Variants in CNN3 observed in about 807,000 individuals in gnomAD.
CNN3 encodes the protein calponin 3.
Under a neutral mutation model 39.0 loss-of-function variants are expected in CNN3, and 11 were observed. The observed-to-expected ratio is 0.28, with a 90% CI of 0.18 to 0.47. The LOEUF is 0.47. Ranked by LOEUF, CNN3 falls within the 20% of genes least tolerant of loss-of-function variation. The pLI, the probability that CNN3 is intolerant of heterozygous loss-of-function variation, is 0.99. For missense variants in CNN3, 266 were observed against 403.4 expected, an observed-to-expected ratio of 0.66 and a Z score of 2.92; for synonymous variants, 101 against 138.3, an observed-to-expected ratio of 0.73 and a Z score of 1.89.
rs1179151046 is a variant in CNN3 at position 94,903,168 on chromosome 1, G to A, written c.200C>T (p.Pro67Leu). ...ILCELINKLQ[P>L]GSVKKVNESS... ...CTCGTTGACCTTCTTCACTGAGCCTGGCTGTAGCTTGTTTATAAGTCTGAA... is the reference window on the plus strand; with the variant it reads ...CTCGTTGACCTTCTTCACTGAGCCTAGCTGTAGCTTGTTTATAAGTCTGAA... Residue 67 changes from proline (P) to leucine (L), a missense_variant, in exon 3 of 7, where the codon CCA becomes CTA. By Grantham distance (98) the Pro-to-Leu change is moderately conservative (BLOSUM62 -3). Coordinates refer to ENST00000370206, the MANE Select transcript of CNN3 (RefSeq NM_001839.5). 6.2e-7 allele frequency: 1 copy of A among 1,612,964 alleles called. No individual in the cohort carries two copies. The highest frequency in any genetic ancestry group is 1.7e-5 in the Admixed American group (1 of 59,782).
At position 94,902,263 on chromosome 1, in the gene CNN3, AAAG is replaced by A; in HGVS notation, c.247-8_247-6del. 2 of 1,606,128 alleles carry A rather than the reference AAAG, an allele frequency of 1.2e-6. No individual in the cohort carries two copies. Among genetic ancestry groups the A allele is most frequent in the Non-Finnish European group, 1.7e-6 (2 of 1,175,212 alleles). The stretch of plus-strand genomic sequence containing the variant: ...AAAGTTGCCAATATTCTCCAACTAT[AAAG>A]AAGAAGAGTTTTATAATTTCTGGAG... On this transcript the variant is annotated splice_region_variant and splice_polypyrimidine_tract_variant and intron_variant, in intron 3 of 6. Coordinates refer to ENST00000370206, the MANE Select transcript of CNN3 (RefSeq NM_001839.5).
At chr1:94,914,117 G>A (rs1050896863) in intron 1 of CNN3, among the ~76,000 whole-genome samples, 1 of 152,122 alleles carries the variant, frequency 6.6e-6, no homozygotes, top group East Asian at 1.9e-4. Flanking sequence ...GCATTTGTAG[G>A]TATCAGCTCT....
At chr1:94,899,330 G>A in intron 6 of CNN3, 41 bp downstream of exon 6, 1 of 1,561,760 alleles carries the variant, frequency 6.4e-7, no homozygotes, top group Non-Finnish European at 8.7e-7. Context: ...TAAAAATAAG[G>A]TAAGTGTACT....
intron 1 of CNN3, among the ~76,000 whole-genome samples, chr1:94,916,651 T>C (rs1671284687): frequency 6.6e-6 from 1 of 152,186 alleles, no homozygotes; most frequent in African/African-American, 2.4e-5. Flanking sequence ...AAGATGTCAA[T>C]TCTCCCTGAG....
At chr1:94,899,054 T>TA (rs964285996) in intron 6 of CNN3, among the ~76,000 whole-genome samples, 78 of 147,934 alleles carry the variant, frequency 5.3e-4, no homozygotes, top group African/African-American at 1.7e-3. Context: ...AAGGGCTCCT[T>TA]AAAAAAAAAA....
intron 4 of CNN3, 66 bp downstream of exon 4, chr1:94,902,055 C>G: frequency 2.2e-6 from 3 of 1,386,614 alleles, no homozygotes; most frequent in Non-Finnish European, 3.1e-6. Flanking sequence ...CATGAAAAAG[C>G]AATGATGCAA....
intron 1 of CNN3, among the ~76,000 whole-genome samples, chr1:94,925,439 T>G (rs199523213): frequency 6.6e-6 from 1 of 152,206 alleles, no homozygotes; most frequent in East Asian, 1.9e-4. Flanking sequence ...TTCTGCTCTC[T>G]AAAAAAATTG....
At chr1:94,919,148 A>G (rs1671375901) in intron 1 of CNN3, among the ~76,000 whole-genome samples, 2 of 152,162 alleles carry the variant, frequency 1.3e-5, no homozygotes, top group South Asian at 4.1e-4. Flanking sequence ...AGAGGTAGGG[A>G]TGGGGTTTTT....
In CNN3 at chr1:94,926,056, T is replaced by C. The variant is rs1380832484; in HGVS notation, c.57+782A>G. ...TCACCAAATCCCAATCGCTCCAAACTATAAGCCGCCTCAGCAAACAAGCCC... is the reference window on the plus strand; with the variant it reads ...TCACCAAATCCCAATCGCTCCAAACCATAAGCCGCCTCAGCAAACAAGCCC... On this transcript the variant is annotated intron_variant, in intron 1 of 6. Transcript: ENST00000370206. This position sits in a 1 kb window ranked among gnomAD's most constrained non-coding sequence, Gnocchi z 4.2. Among the ~76,000 whole-genome samples the C allele has an allele frequency of 1.3e-5, 2 of 152,082 alleles. No individual in the cohort carries two copies. Among genetic ancestry groups the C allele is most frequent in the African/African-American group, 2.4e-5 (1 of 41,412 alleles).
chr1:94,899,334 G>C, intron 6 of CNN3, 37 bp downstream of exon 6: 1 of 1,583,896 alleles, frequency 6.3e-7, no homozygotes, highest in Non-Finnish European at 8.6e-7. Flanking sequence ...AATAAGGTAA[G>C]TGTACTCTTG....
intron 1 of CNN3, among the ~76,000 whole-genome samples, chr1:94,914,200 TC>T (rs1671228321): frequency 6.6e-6 from 1 of 152,108 alleles, no homozygotes; most frequent in African/African-American, 2.4e-5. Flanking sequence ...AACCCTTGAG[TC>T]AGGAGCATGG....
At chr1:94,911,988 C>A (rs1557912579) in intron 1 of CNN3, among the ~76,000 whole-genome samples, 1 of 152,064 alleles carries the variant, frequency 6.6e-6, no homozygotes, top group African/African-American at 2.4e-5. Flanking sequence ...ATCGCTTGAG[C>A]CTGGGAGGCG....
Position 94,897,471 on chromosome 1 carries a change from G to A in CNN3, c.*271C>T. The A allele has an allele frequency of 3.1e-6, 1 of 326,532 alleles. No individual in the cohort carries two copies. 20.2% of individuals were successfully genotyped at this position (326,532 alleles called of 1,614,324 possible). ...AGATTTTTGCATAAAAGAACTGGCT[G>A]TACAAGAGTACTCCCCTTTCACAGT... On this transcript the variant is annotated 3_prime_UTR_variant, in exon 7 of 7. Coordinates refer to ENST00000370206, the MANE Select transcript of CNN3 (RefSeq NM_001839.5).
intron 1 of CNN3, among the ~76,000 whole-genome samples, chr1:94,918,222 G>A (rs998627602): frequency 3.3e-5 from 5 of 152,194 alleles, no homozygotes; most frequent in African/African-American, 1.2e-4. Flanking sequence ...GCCGGGCACA[G>A]TGGCTCATGC....
In CNN3 at chr1:94,901,211, G is replaced by A. The variant is rs774454600; in HGVS notation, c.501+458C>T. On this transcript the variant is annotated intron_variant, in intron 5 of 6. Coordinates refer to ENST00000370206, the MANE Select transcript of CNN3 (RefSeq NM_001839.5). ...TCTACTAAAACTACAAAACTTAGCC[G>A]GGCATGGTGGCTCATTCCCATAATC... 8.0e-4 allele frequency among the ~76,000 whole-genome samples: 122 copies of A among 151,950 alleles called. 1 individual carries two copies. The highest frequency in any genetic ancestry group is 2.6e-4 in the Non-Finnish European group (18 of 67,974).
chr1:94,901,535 T>C (rs1344012744), intron 5 of CNN3, 134 bp downstream of exon 5: 1 of 545,884 alleles, frequency 1.8e-6, no homozygotes, highest in South Asian at 2.6e-5. Flanking sequence ...TAAATAGATA[T>C]AAATTGTATA....
chr1:94,919,313 A>C (rs917191377), intron 1 of CNN3, among the ~76,000 whole-genome samples: 3 of 152,190 alleles, frequency 2.0e-5, no homozygotes, highest in Non-Finnish European at 1.5e-5. Flanking sequence ...AGGCCCAAAG[A>C]CCACAGCAAG....
At chr1:94,906,458 G>GT (rs1286328243) in intron 1 of CNN3, among the ~76,000 whole-genome samples, 1 of 143,100 alleles carries the variant, frequency 7.0e-6, no homozygotes, top group Non-Finnish European at 1.5e-5. Flanking sequence ...AATACTAATT[G>GT]TAAGGTGATT....
At position 94,897,662 on chromosome 1, in the gene CNN3, A is replaced by G. The variant is rs1670759309; in HGVS notation, c.*80T>C. 7.8e-7 allele frequency: 1 copy of G among 1,280,236 alleles called. No homozygotes were observed. Among genetic ancestry groups the G allele is most frequent in the Non-Finnish European group, 1.1e-6 (1 of 911,350 alleles). 79.3% of individuals were successfully genotyped at this position (1,280,236 alleles called of 1,614,324 possible). On this transcript the variant is annotated 3_prime_UTR_variant, in exon 7 of 7. Transcript: ENST00000370206. ...AGCTTAATAGTGTTTTAGGAAGACA[A>G]GATAAAAATTACTCAAGGCTAGCTT...
Sources: gnomAD v4.1 joint callset for allele counts (sites outside exome capture counted in the v4.1 genomes callset) on GRCh38, gnomAD v4.1.1 for gene constraint, Gnocchi (gnomAD v3.1) non-coding constraint, MANE v1.5 for transcripts, NCBI Gene and HGNC (gene_info 2026-07-23, HGNC 2026-07-21) for gene names.